OTUD7A: variants seen among roughly 807,000 people sequenced by gnomAD.
OTUD7A encodes OTU deubiquitinase 7A.
In OTUD7A, 12 loss-of-function variants were observed where a neutral mutation model predicts 65.7. That is an observed-to-expected ratio of 0.18 (90% CI 0.12 to 0.30). OTUD7A has a LOEUF of 0.30. Among genes scored for constraint, OTUD7A ranks in the 10% least tolerant of loss-of-function variants. The probability of loss-of-function intolerance (pLI) is 1.00; values close to 1 mark genes in which losing one functional copy is unlikely to be tolerated. For missense variants in OTUD7A, 1,148 were observed against 1,304.8 expected, an observed-to-expected ratio of 0.88 and a Z score of 1.85; for synonymous variants, 641 against 586.3, an observed-to-expected ratio of 1.09 and a Z score of -1.35.
rs1339332677 is a variant in OTUD7A at position 31,675,508 on chromosome 15, TG to T, written c.-99-18432del. Among the ~76,000 whole-genome samples, 3 of 152,220 alleles carry T rather than the reference TG, an allele frequency of 2.0e-5. No individual in the cohort carries two copies. The East Asian group carries it at 5.8e-4, about 29-fold the overall frequency. On this transcript the variant is annotated intron_variant, in intron 1 of 12. Coordinates refer to ENST00000307050, the MANE Select transcript of OTUD7A (RefSeq NM_001382637.1). The stretch of plus-strand genomic sequence containing the variant: ...CCCACAGTTATTCATTATACCACGT[TG>T]AAACAAACCAGGAATAGAAGGAACC...
intron 3 of OTUD7A, among the ~76,000 whole-genome samples, chr15:31,617,922 TG>T (rs1442150821): frequency 6.9e-6 from 1 of 144,216 alleles, no homozygotes; most frequent in Non-Finnish European, 1.5e-5. Flanking sequence ...ATGCTATCCC[TG>T]CCCCCTCCGC....
At chr15:31,630,644 T>G (rs1440398932) in intron 3 of OTUD7A, among the ~76,000 whole-genome samples, 2 of 152,222 alleles carry the variant, frequency 1.3e-5, no homozygotes, top group Non-Finnish European at 2.9e-5. Context: ...GGTATCCTTG[T>G]TAACTTTCTG....
intron 3 of OTUD7A, among the ~76,000 whole-genome samples, chr15:31,601,144 C>T (rs933273460): frequency 6.6e-6 from 1 of 152,162 alleles, no homozygotes; most frequent in African/African-American, 2.4e-5. Context: ...CACCCCAAAT[C>T]GACAGAATAT....
intron 1 of OTUD7A, among the ~76,000 whole-genome samples, chr15:31,804,301 C>T (rs12440544): frequency 0.044 from 6,708 of 152,226 alleles, 235 homozygotes; most frequent in East Asian, 0.13. Context: ...GCTTCTTGGA[C>T]GCAACCTTAA....
chr15:31,809,627 G>A (rs1896369566), intron 1 of OTUD7A, among the ~76,000 whole-genome samples: 1 of 152,180 alleles, frequency 6.6e-6, no homozygotes, highest in Non-Finnish European at 1.5e-5. Context: ...CCTTGAACTA[G>A]GACACAATGG....
chr15:31,646,346 GA>G lies in OTUD7A; in HGVS notation c.151+8749del, dbSNP rs567190718. Among the ~76,000 whole-genome samples, 61 of 152,320 alleles carry G rather than the reference GA, an allele frequency of 4.0e-4. 1 individual carries two copies. The East Asian group carries it at 0.012, about 29-fold the overall frequency. On this transcript the variant is annotated intron_variant, in intron 3 of 12. Transcript: ENST00000307050. ...GGCTTTATCCATGCACAGACACCAA[GA>G]AAGACGCTGGGATGAATACGGCTGG...
chr15:31,480,651 C>T lies in OTUD7A; in HGVS notation c.*2643G>A, dbSNP rs2041104121. The T allele has an allele frequency of 1.3e-5, 2 of 152,266 alleles. No individual in the cohort carries two copies. Among genetic ancestry groups the T allele is most frequent in the African/African-American group, 4.8e-5 (2 of 41,458 alleles). The allele number at this position is 152,266 out of a possible 1,614,324, so 9.4% of individuals were successfully genotyped here. On this transcript the variant is annotated 3_prime_UTR_variant, in exon 13 of 13. Transcript: ENST00000307050. ...TCTGGCCAGGGACGAGGTCTACACG[C>T]CTCTTCTCAAGGAGCATGCTGTCGG...
intron 8 of OTUD7A, among the ~76,000 whole-genome samples, chr15:31,510,010 C>T (rs1170378024): frequency 1.4e-5 from 2 of 139,450 alleles, no homozygotes; most frequent in Admixed American, 1.5e-4. Context: ...CTTTTTTTTT[C>T]CCGGTCTTGC....
Position 31,735,398 on chromosome 15 carries a change from C to T in OTUD7A, c.-99-78321G>A, listed in dbSNP as rs142477599. Among the ~76,000 whole-genome samples, 372 of 152,172 alleles carry T rather than the reference C, an allele frequency of 2.4e-3. 1 individual carries two copies. The highest frequency in any genetic ancestry group is 8.4e-3 in the African/African-American group (350 of 41,536). On this transcript the variant is annotated intron_variant, in intron 1 of 12. Coordinates refer to ENST00000307050, the MANE Select transcript of OTUD7A (RefSeq NM_001382637.1). ...AAAAAATTAGTTGGGTGTGGTGGCA[C>T]ACGCCTGTAATCCCAGCTACTCGGG...
intron 3 of OTUD7A, among the ~76,000 whole-genome samples, chr15:31,643,010 T>C (rs1453843457): frequency 6.6e-6 from 1 of 152,152 alleles, no homozygotes; most frequent in Non-Finnish European, 1.5e-5. Context: ...ATAGAGGTGT[T>C]TAACTTATAC....
At chr15:31,806,218 G>C (rs1301028735) in intron 1 of OTUD7A, among the ~76,000 whole-genome samples, 3 of 152,152 alleles carry the variant, frequency 2.0e-5, no homozygotes, top group Admixed American at 6.5e-5. Context: ...ATCATTTTCT[G>C]GGTCTCATTC....
chr15:31,855,798 AG>A (rs1156388754), intron 1 of OTUD7A, among the ~76,000 whole-genome samples: 7 of 152,256 alleles, frequency 4.6e-5, no homozygotes, highest in Non-Finnish European at 8.8e-5. Context: ...GTTTGCAAAC[AG>A]CAAATGCAAC....
chr15:31,592,993 C>T (rs1473447140), intron 3 of OTUD7A, among the ~76,000 whole-genome samples: 1 of 132,056 alleles, frequency 7.6e-6, no homozygotes, highest in East Asian at 2.3e-4. Flanking sequence ...GGCATGCACT[C>T]TAAAATGATG....
intron 1 of OTUD7A, among the ~76,000 whole-genome samples, chr15:31,800,807 T>C (rs971907473): frequency 1.3e-4 from 20 of 152,154 alleles, no homozygotes; most frequent in Admixed American, 1.0e-3. Context: ...AGACCCCTCA[T>C]AGGTGGATGG....
At chr15:31,860,695 ATATATG>A (rs1206291167) in intron 1 of OTUD7A, among the ~76,000 whole-genome samples, 1 of 130,286 alleles carries the variant, frequency 7.7e-6, no homozygotes. Flanking sequence ...ATATATATAT[ATATATG>A]TATGTATATA....
At chr15:31,829,425 G>A (rs1995445) in intron 1 of OTUD7A, among the ~76,000 whole-genome samples, 2 of 152,162 alleles carry the variant, frequency 1.3e-5, no homozygotes, top group East Asian at 1.9e-4. Context: ...GCCATCTTTC[G>A]TCTTGGTTCC....
At chr15:31,789,104 A>T (rs7177669) in intron 1 of OTUD7A, among the ~76,000 whole-genome samples, 150,437 of 152,290 alleles carry the variant, frequency 0.99, 74,337 homozygotes, top group East Asian at 1. Flanking sequence ...TCATTTTTTT[A>T]ATACTCTGAG....
intron 3 of OTUD7A, among the ~76,000 whole-genome samples, chr15:31,575,082 AG>A (rs1383919635): frequency 1.3e-5 from 2 of 152,170 alleles, no homozygotes; most frequent in Non-Finnish European, 2.9e-5. Context: ...GATTAAACTC[AG>A]GGGGGAAAAG....
At chr15:31,846,121 G>C (rs1191265872) in intron 1 of OTUD7A, among the ~76,000 whole-genome samples, 4 of 152,192 alleles carry the variant, frequency 2.6e-5, no homozygotes, top group African/African-American at 9.6e-5. Context: ...TTGTCCTTCA[G>C]ACTCTCTCTA....
Sources: allele counts gnomAD v4.1 joint callset (sites outside exome capture counted in the v4.1 genomes callset), GRCh38; gene constraint gnomAD v4.1.1; transcripts MANE v1.5; gene names NCBI Gene and HGNC (gene_info 2026-07-23, HGNC 2026-07-21).